TMEM132B: variants seen among roughly 807,000 people sequenced by gnomAD.
TMEM132B encodes the protein transmembrane protein 132B.
In TMEM132B, 18 loss-of-function variants were observed where a neutral mutation model predicts 90.8. The observed-to-expected ratio is 0.20, with a 90% CI of 0.14 to 0.29. The LOEUF (loss-of-function observed/expected upper bound fraction) is 0.29. Ranked by LOEUF, TMEM132B falls within the 10% of genes least tolerant of loss-of-function variation. The pLI, the probability that TMEM132B is intolerant of heterozygous loss-of-function variation, is 1.00. For synonymous variants in TMEM132B, 504 were observed against 523.3 expected (o/e 0.96, Z 0.50); for missense variants, 1,096 against 1,326.8 (o/e 0.83, Z 2.70).
At chr12:125,627,846 C>T (rs1312841184) in intron 5 of TMEM132B, among the ~76,000 whole-genome samples, 2 of 152,164 alleles carry the variant, frequency 1.3e-5, no homozygotes, top group Non-Finnish European at 2.9e-5. Context: ...GGTAACCATC[C>T]TTCCACTATC....
chr12:125,252,156 A>G (rs1874331242), intron 1 of TMEM132B, among the ~76,000 whole-genome samples: 1 of 152,230 alleles, frequency 6.6e-6, no homozygotes, highest in Non-Finnish European at 1.5e-5. Context: ...GTGATAAATA[A>G]TGACAACCAA....
intron 4 of TMEM132B, among the ~76,000 whole-genome samples, chr12:125,540,709 G>A (rs1412343554): frequency 1.3e-5 from 2 of 152,238 alleles, no homozygotes; most frequent in East Asian, 3.8e-4. Flanking sequence ...TGCCTGGTTT[G>A]TGGTGTAATC....
chr12:125,350,641 A>G (rs1593099165), intron 2 of TMEM132B, among the ~76,000 whole-genome samples: 1 of 152,200 alleles, frequency 6.6e-6, no homozygotes. Flanking sequence ...GTGTGAGTGC[A>G]AGGAGGCCAG....
At chr12:125,499,201 A>G (rs1173980288) in intron 3 of TMEM132B, among the ~76,000 whole-genome samples, 1 of 152,216 alleles carries the variant, frequency 6.6e-6, no homozygotes, top group East Asian at 1.9e-4. Flanking sequence ...ATTTGATCTT[A>G]TATCTCTAGC....
chr12:125,293,712 G>C (rs1875599659), intron 1 of TMEM132B, among the ~76,000 whole-genome samples: 1 of 152,180 alleles, frequency 6.6e-6, no homozygotes, highest in Non-Finnish European at 1.5e-5. Flanking sequence ...TGGGCACCTA[G>C]GTTGATCCCA....
At chr12:125,495,579 A>G (rs1485926306) in intron 3 of TMEM132B, among the ~76,000 whole-genome samples, 1 of 152,142 alleles carries the variant, frequency 6.6e-6, no homozygotes, top group African/African-American at 2.4e-5. Flanking sequence ...TTATTCACAC[A>G]TGCACCTATG....
intron 5 of TMEM132B, chr12:125,588,058 A>G (rs927340760): frequency 6.6e-6 from 1 of 152,168 alleles, no homozygotes; most frequent in Non-Finnish European, 1.5e-5. Flanking sequence ...TTAGATTCCA[A>G]GAATGGAAGT....
chr12:125,602,634 A>G (rs954048013), intron 5 of TMEM132B, among the ~76,000 whole-genome samples: 1 of 152,210 alleles, frequency 6.6e-6, no homozygotes, highest in Non-Finnish European at 1.5e-5. Flanking sequence ...CAAAAGAAAG[A>G]AATAAAGCGT....
At chr12:125,648,347 C>T (rs1191797489) in intron 6 of TMEM132B, among the ~76,000 whole-genome samples, 5 of 152,038 alleles carry the variant, frequency 3.3e-5, no homozygotes, top group Non-Finnish European at 7.4e-5. Context: ...ATGGGACTTA[C>T]AGGGAACTAA....
chr12:125,408,399 A>G lies in TMEM132B; in HGVS notation c.960-7132A>G, dbSNP rs1400106965. Among the ~76,000 whole-genome samples, 1 of 152,140 alleles carries G rather than the reference A, an allele frequency of 6.6e-6. No individual in the cohort carries two copies. Among genetic ancestry groups the G allele is most frequent in the Non-Finnish European group, 1.5e-5 (1 of 68,034 alleles). On this transcript the variant is annotated intron_variant, in intron 2 of 8. Transcript: ENST00000682704. This position sits in a 1 kb window ranked among gnomAD's most constrained non-coding sequence, Gnocchi z 5.9. The stretch of plus-strand genomic sequence containing the variant: ...TCATCTCCCTAAAGGAATGGGATTA[A>G]TGCCCTTATAAAAGAGGTTTGAGGG...
chr12:125,531,217 G>A (rs146091653), intron 4 of TMEM132B, among the ~76,000 whole-genome samples: 18 of 152,026 alleles, frequency 1.2e-4, no homozygotes, highest in Non-Finnish European at 2.2e-4. Flanking sequence ...ACAGAGTCTT[G>A]CTCTGCCACT....
Position 125,439,073 on chromosome 12 carries a change from T to C in TMEM132B, c.1106+23396T>C, listed in dbSNP as rs551825462. Among the ~76,000 whole-genome samples, 3 of 152,270 alleles carry C rather than the reference T, an allele frequency of 2.0e-5. No individual in the cohort carries two copies. In the South Asian group the frequency reaches 6.2e-4, roughly 32 times the overall value. ...TTGGTTACCGTAGCCCTGTAGTATATCGTTTGAAGTCAGGTAAGGTGATGT... is the reference window on the plus strand; with the variant it reads ...TTGGTTACCGTAGCCCTGTAGTATACCGTTTGAAGTCAGGTAAGGTGATGT... On this transcript the variant is annotated intron_variant, in intron 3 of 8. Transcript: ENST00000682704.
At chr12:125,614,015 A>T (rs1196793317) in intron 5 of TMEM132B, among the ~76,000 whole-genome samples, 1 of 152,144 alleles carries the variant, frequency 6.6e-6, no homozygotes, top group African/African-American at 2.4e-5. Context: ...ATATAATTGT[A>T]TACATACTGT....
rs369081609 is a variant in TMEM132B, at chr12:125,312,543, C to G, written c.68-36909C>G. Among the ~76,000 whole-genome samples the G allele has an allele frequency of 2.1e-3, 326 of 152,342 alleles. 2 individuals are homozygous for G. Among genetic ancestry groups the G allele is most frequent in the African/African-American group, 7.0e-3 (293 of 41,574 alleles). On this transcript the variant is annotated intron_variant, in intron 1 of 8. Coordinates refer to ENST00000682704, the MANE Select transcript of TMEM132B (RefSeq NM_001366854.1). ...GAGGACCCTTGGGTAGATGTCCCAG[C>G]GTCCTCTGGAGAGACCCAGGCTGAG...
chr12:125,336,532 C>T (rs537821110), intron 1 of TMEM132B, among the ~76,000 whole-genome samples: 1 of 152,310 alleles, frequency 6.6e-6, no homozygotes, highest in East Asian at 1.9e-4. Context: ...TCTTTCATTT[C>T]ATTCTGGGAA....
chr12:125,415,455 C>G lies in TMEM132B; in HGVS notation c.960-76C>G. Reference sequence around the variant, plus strand: ...AGATGCTTTCCCAGTGATCTGCTCTCGTGCCATCTTTTACTACCTGTTTCA... The same window carrying G: ...AGATGCTTTCCCAGTGATCTGCTCTGGTGCCATCTTTTACTACCTGTTTCA... On this transcript the variant is annotated intron_variant, in intron 2 of 8. Transcript: ENST00000682704. This position sits in a 1 kb window ranked among gnomAD's most constrained non-coding sequence, Gnocchi z 5.3. 1.9e-6 allele frequency: 3 copies of G among 1,548,570 alleles called. No homozygotes were observed. Among genetic ancestry groups the G allele is most frequent in the Non-Finnish European group, 2.6e-6 (3 of 1,139,350 alleles).
At chr12:125,330,901 C>T (rs1419689368) in intron 1 of TMEM132B, among the ~76,000 whole-genome samples, 1 of 152,250 alleles carries the variant, frequency 6.6e-6, no homozygotes, top group African/African-American at 2.4e-5. Flanking sequence ...TAAAAATTAG[C>T]ACATCCTGTG....
At chr12:125,268,025 G>T (rs1483239250) in intron 1 of TMEM132B, among the ~76,000 whole-genome samples, 1 of 152,060 alleles carries the variant, frequency 6.6e-6, no homozygotes, top group Non-Finnish European at 1.5e-5. Flanking sequence ...GCAGGAGGAT[G>T]GCTTGAGCCC....
chr12:125,484,074 A>AT (rs977861555), intron 3 of TMEM132B, among the ~76,000 whole-genome samples: 60 of 151,924 alleles, frequency 3.9e-4, no homozygotes, highest in African/African-American at 1.4e-3. Flanking sequence ...CTTTTTTTGT[A>AT]TTTTTTGTAG....
Sources: allele counts gnomAD v4.1 joint callset (sites outside exome capture counted in the v4.1 genomes callset), GRCh38; gene constraint gnomAD v4.1.1; non-coding constraint Gnocchi (gnomAD v3.1); transcripts MANE v1.5; gene names NCBI Gene and HGNC (gene_info 2026-07-23, HGNC 2026-07-21).